The following SKAP1 variants were observed in gnomAD, a reference collection of about 807,000 sequenced individuals.
SKAP1 encodes src kinase associated phosphoprotein 1.
Under a neutral mutation model 58.5 loss-of-function variants are expected in SKAP1, and 44 were observed. That is an observed-to-expected ratio of 0.75 (90% CI 0.59 to 0.97). The LOEUF (loss-of-function observed/expected upper bound fraction) is 0.97, where lower values mean the gene tolerates loss of function less well. SKAP1 is among the 50% of genes least tolerant of loss of function. The pLI, the probability that SKAP1 is intolerant of heterozygous loss-of-function variation, is 0.00. For missense variants in SKAP1, 390 were observed against 435.2 expected (o/e 0.90, Z 0.92); for synonymous variants, 127 against 149.7 (o/e 0.85, Z 1.11).
intron 4 of SKAP1, among the ~76,000 whole-genome samples, chr17:48,297,789 C>T (rs778619274): frequency 3.3e-5 from 5 of 152,096 alleles, no homozygotes; most frequent in Non-Finnish European, 7.4e-5. Context: ...GGGAATGGAC[C>T]TATGTAACTT....
At chr17:48,303,732 T>G (rs1244116959) in intron 4 of SKAP1, among the ~76,000 whole-genome samples, 1 of 152,198 alleles carries the variant, frequency 6.6e-6, no homozygotes. Context: ...TTGACTCCAA[T>G]GGGTATTTCC....
intron 1 of SKAP1, among the ~76,000 whole-genome samples, chr17:48,409,319 A>G (rs1014274856): frequency 6.6e-6 from 1 of 152,232 alleles, no homozygotes; most frequent in African/African-American, 2.4e-5. Context: ...CAATAGGTGA[A>G]TAGATAAACA....
In SKAP1 at chr17:48,162,574, T is replaced by A; in HGVS notation, c.878-5A>T. The A allele has an allele frequency of 6.2e-7, 1 of 1,604,852 alleles. No individual in the cohort carries two copies. On this transcript the variant is annotated splice_region_variant and splice_polypyrimidine_tract_variant and intron_variant, in intron 10 of 12. Coordinates refer to ENST00000336915, the MANE Select transcript of SKAP1 (RefSeq NM_003726.4). ...GGTAGTAACTGGCATAGTCTACTGA[T>A]CAAAGAGAGGAGAAATCAAAGTTAA...
rs117465253 is a variant in SKAP1, at chr17:48,282,444, C to T, written c.280+63461G>A. ...CTTCACCCTGTTCCCTCAAAGCTAA[C>T]ATATTGCATAACCACAGTATAACTA... On this transcript the variant is annotated intron_variant, in intron 4 of 12. Coordinates refer to ENST00000336915, the MANE Select transcript of SKAP1 (RefSeq NM_003726.4). 4.6e-5 allele frequency among the ~76,000 whole-genome samples: 7 copies of T among 152,266 alleles called. No homozygotes were observed. The East Asian group carries it at 1.3e-3, about 29-fold the overall frequency.
intron 7 of SKAP1, among the ~76,000 whole-genome samples, chr17:48,184,375 C>T (rs987842592): frequency 4.3e-4 from 65 of 151,678 alleles, no homozygotes; most frequent in African/African-American, 1.4e-3. Flanking sequence ...GAAAATCAGT[C>T]GAAGAATAAA....
intron 4 of SKAP1, among the ~76,000 whole-genome samples, chr17:48,233,785 G>T (rs1208793004): frequency 2.6e-5 from 4 of 152,136 alleles, no homozygotes; most frequent in African/African-American, 9.7e-5. Flanking sequence ...GAACCCAGGA[G>T]GCAGAGGTTG....
intron 6 of SKAP1, among the ~76,000 whole-genome samples, chr17:48,187,371 G>T (rs1178282256): frequency 6.6e-6 from 1 of 152,152 alleles, no homozygotes; most frequent in East Asian, 1.9e-4. Flanking sequence ...ATGGCTATAG[G>T]AATGTCCACT....
chr17:48,223,892 T>C (rs1346452234), intron 4 of SKAP1, among the ~76,000 whole-genome samples: 1 of 151,898 alleles, frequency 6.6e-6, no homozygotes, highest in Non-Finnish European at 1.5e-5. Context: ...TATCTGAAAT[T>C]GTTAATTAAC....
At chr17:48,167,553 A>C (rs1322460229) in intron 10 of SKAP1, among the ~76,000 whole-genome samples, 3 of 152,188 alleles carry the variant, frequency 2.0e-5, no homozygotes, top group Admixed American at 1.3e-4. Context: ...TCAGAGATGG[A>C]ATGGTATAAG....
chr17:48,198,718 T>G (rs977080719), intron 4 of SKAP1, among the ~76,000 whole-genome samples: 2 of 152,180 alleles, frequency 1.3e-5, no homozygotes, highest in African/African-American at 4.8e-5. Flanking sequence ...GGTGGTGGGT[T>G]AAGCATATGT....
intron 4 of SKAP1, among the ~76,000 whole-genome samples, chr17:48,340,689 A>G (rs1370030167): frequency 1.3e-5 from 2 of 152,152 alleles, no homozygotes; most frequent in Non-Finnish European, 2.9e-5. Flanking sequence ...AACAAAACAA[A>G]CTAAAATAAA....
At chr17:48,355,338 T>C (rs2066861606) in intron 3 of SKAP1, among the ~76,000 whole-genome samples, 1 of 152,174 alleles carries the variant, frequency 6.6e-6, no homozygotes, top group Non-Finnish European at 1.5e-5. Context: ...AGTGCAGTGG[T>C]GCAATTGCAG....
intron 1 of SKAP1, among the ~76,000 whole-genome samples, chr17:48,426,202 TA>T (rs1254830514): frequency 2.0e-5 from 3 of 152,250 alleles, no homozygotes; most frequent in Non-Finnish European, 4.4e-5. Context: ...AGGAAATGAT[TA>T]ATGACTGCTT....
intron 10 of SKAP1, among the ~76,000 whole-genome samples, chr17:48,165,512 T>C (rs902410399): frequency 1.3e-5 from 2 of 151,942 alleles, no homozygotes; most frequent in African/African-American, 4.8e-5. Context: ...GGGATTCTCC[T>C]GCCTCAGCCT....
chr17:48,137,533 A>G (rs1217949914), intron 11 of SKAP1, among the ~76,000 whole-genome samples, 196 bp from the exon 12 acceptor site: 4 of 152,224 alleles, frequency 2.6e-5, no homozygotes, highest in African/African-American at 4.8e-5. Context: ...TCCTTTTGCC[A>G]TCTTCCTGTC....
intron 11 of SKAP1, among the ~76,000 whole-genome samples, chr17:48,145,711 C>T (rs2063824255): frequency 6.6e-6 from 1 of 152,144 alleles, no homozygotes; most frequent in Admixed American, 6.5e-5. Flanking sequence ...AATACCCCTA[C>T]TCCATGATTG....
chr17:48,380,896 C>A (rs997680431), intron 2 of SKAP1, among the ~76,000 whole-genome samples: 1 of 152,120 alleles, frequency 6.6e-6, no homozygotes, highest in African/African-American at 2.4e-5. Context: ...AATCATATTT[C>A]GAAAGTTGAA....
intron 4 of SKAP1, among the ~76,000 whole-genome samples, chr17:48,204,797 C>G (rs538816700): frequency 6.6e-6 from 1 of 152,050 alleles, no homozygotes; most frequent in African/African-American, 2.4e-5. Context: ...AAAGGAGGAA[C>G]AAGAATAGCT....
chr17:48,297,754 T>C (rs2065998373), intron 4 of SKAP1, among the ~76,000 whole-genome samples: 1 of 152,160 alleles, frequency 6.6e-6, no homozygotes, highest in Non-Finnish European at 1.5e-5. Context: ...TTATTGGTTA[T>C]TAAAAAGAAC....
Sources: gnomAD v4.1 joint callset for allele counts (sites outside exome capture counted in the v4.1 genomes callset) on GRCh38, gnomAD v4.1.1 for gene constraint, MANE v1.5 for transcripts, NCBI Gene and HGNC (gene_info 2026-07-23, HGNC 2026-07-21) for gene names.